The following CADPS variants were observed in gnomAD, a reference collection of about 807,000 sequenced individuals.
CADPS encodes calcium dependent secretion activator, also known as calcium-dependent secretion activator 1.
CADPS carries 57 observed loss-of-function variants against 167.3 expected under a neutral mutation model. The observed-to-expected ratio is 0.34, with a 90% confidence interval of 0.28 to 0.42. The LOEUF is 0.42. Ranked by LOEUF, CADPS falls within the 20% of genes least tolerant of loss-of-function variation. The pLI is 1.00. For synonymous variants in CADPS, 676 were observed against 635.3 expected (o/e 1.06, Z -0.96); for missense variants, 1,414 against 1,738.1 (o/e 0.81, Z 3.32).
chr3:62,496,783 G>A (rs1219322860), intron 18 of CADPS, among the ~76,000 whole-genome samples: 2 of 152,194 alleles, frequency 1.3e-5, no homozygotes, highest in African/African-American at 4.8e-5. Context: ...AGGACAGGCT[G>A]TCCTATGCCT....
intron 28 of CADPS, among the ~76,000 whole-genome samples, chr3:62,432,862 C>T (rs139761471): frequency 0.011 from 1,634 of 152,256 alleles, 24 homozygotes; most frequent in Middle Eastern, 0.041. Flanking sequence ...AGGGCACTCA[C>T]GTCTGCTTAT....
intron 17 of CADPS, 196 bp from the exon 18 acceptor site, chr3:62,499,464 A>G (rs922094112): frequency 4.8e-6 from 2 of 420,358 alleles, no homozygotes; most frequent in Non-Finnish European, 8.7e-6. Flanking sequence ...TATAATATAT[A>G]TTAGAAAAAA....
At chr3:62,649,543 CTTTTTTTTTTTTTTTTTT>C (rs369874258) in intron 5 of CADPS, among the ~76,000 whole-genome samples, 23 of 37,802 alleles carry the variant, frequency 6.1e-4, no homozygotes, top group African/African-American at 1.8e-3. Flanking sequence ...AATATGTGGT[CTTTTTTTTTTTTTTTTTT>C]TTTTTTTTTT....
chr3:62,813,383 A>G (rs1158070530), intron 1 of CADPS, among the ~76,000 whole-genome samples: 1 of 152,148 alleles, frequency 6.6e-6, no homozygotes, highest in East Asian at 1.9e-4. Context: ...CTTGTACAAT[A>G]AGTGGTGCTG....
At chr3:62,630,967 A>G (rs1196485379) in intron 6 of CADPS, among the ~76,000 whole-genome samples, 11 of 152,118 alleles carry the variant, frequency 7.2e-5, no homozygotes, top group Admixed American at 7.2e-4. Context: ...TTATTTCCCA[A>G]GTGCCTAAAT....
At chr3:62,563,884 T>C (rs1477212363) in intron 9 of CADPS, among the ~76,000 whole-genome samples, 1 of 152,250 alleles carries the variant, frequency 6.6e-6, no homozygotes, top group Admixed American at 6.5e-5. Flanking sequence ...TTCCTTTTTA[T>C]GGATGAGTAG....
intron 21 of CADPS, among the ~76,000 whole-genome samples, chr3:62,483,823 A>G (rs1385064631): frequency 6.6e-6 from 1 of 152,212 alleles, no homozygotes; most frequent in Non-Finnish European, 1.5e-5. Flanking sequence ...AGACATGTGT[A>G]AGCCTATATA....
intron 6 of CADPS, among the ~76,000 whole-genome samples, chr3:62,598,790 C>T (rs1032413595): frequency 6.6e-6 from 1 of 152,204 alleles, no homozygotes; most frequent in Admixed American, 6.5e-5. Flanking sequence ...CTTGCTCATT[C>T]CATCATTCAC....
At chr3:62,674,649 A>T (rs535075364) in intron 3 of CADPS, among the ~76,000 whole-genome samples, 2 of 152,286 alleles carry the variant, frequency 1.3e-5, no homozygotes, top group South Asian at 4.2e-4. Flanking sequence ...TCTCCAACAG[A>T]TGGGAGAAAA....
chr3:62,450,046 G>A (rs17637119), intron 26 of CADPS, among the ~76,000 whole-genome samples: 16,763 of 152,122 alleles, frequency 0.11, 1,227 homozygotes, highest in Admixed American at 0.17. Context: ...TTGGCTTACC[G>A]GTGTAGACAA....
rs567521158 is a variant in CADPS at position 62,766,440 on chromosome 3, G to GT, written c.442-457dup. Among the ~76,000 whole-genome samples, 976 of 151,406 alleles carry GT rather than the reference G, an allele frequency of 6.4e-3. 9 individuals carry two copies. The highest frequency in any genetic ancestry group is 7.1e-3 in the Non-Finnish European group (483 of 67,808). The stretch of plus-strand genomic sequence containing the variant: ...GGAAATTGGCAAATGCTACAAAACA[G>GT]TTTTTTTTTCCCCTCCTGAGAAATG... On this transcript the variant is annotated intron_variant, in intron 1 of 29. Coordinates refer to ENST00000383710, the MANE Select transcript of CADPS (RefSeq NM_003716.4).
chr3:62,671,367 G>C (rs1362579285), intron 3 of CADPS, among the ~76,000 whole-genome samples: 1 of 152,032 alleles, frequency 6.6e-6, no homozygotes, highest in African/African-American at 2.4e-5. Context: ...AAGACACAAG[G>C]AACTGAAGCC....
chr3:62,813,148 A>T (rs1408800588), intron 1 of CADPS, among the ~76,000 whole-genome samples: 1 of 152,122 alleles, frequency 6.6e-6, no homozygotes, highest in Non-Finnish European at 1.5e-5. Context: ...AAAGGGCCCA[A>T]ATAGCCAAAG....
At chr3:62,558,407 C>T (rs2078563522) in intron 9 of CADPS, among the ~76,000 whole-genome samples, 1 of 152,202 alleles carries the variant, frequency 6.6e-6, no homozygotes, top group Non-Finnish European at 1.5e-5. Flanking sequence ...GCAAGTAGCC[C>T]GTGGGAAAGC....
At chr3:62,786,838 G>A (rs1256933717) in intron 1 of CADPS, among the ~76,000 whole-genome samples, 1 of 152,278 alleles carries the variant, frequency 6.6e-6, no homozygotes, top group African/African-American at 2.4e-5. Context: ...ATCGACACTA[G>A]AAAAGACAGC....
intron 3 of CADPS, among the ~76,000 whole-genome samples, chr3:62,743,314 T>G (rs2080717367): frequency 6.6e-6 from 1 of 152,176 alleles, no homozygotes; most frequent in South Asian, 2.1e-4. Flanking sequence ...TAAATAAAGT[T>G]TAACAAGAAC....
At chr3:62,707,732 TAA>T (rs1199243352) in intron 3 of CADPS, among the ~76,000 whole-genome samples, 6 of 152,304 alleles carry the variant, frequency 3.9e-5, no homozygotes, top group African/African-American at 1.4e-4. Flanking sequence ...TAAAATTTCT[TAA>T]TTTTTCTACT....
intron 24 of CADPS, among the ~76,000 whole-genome samples, chr3:62,472,013 C>A (rs2060681076): frequency 6.6e-6 from 1 of 151,792 alleles, no homozygotes; most frequent in Non-Finnish European, 1.5e-5. Context: ...ATACAATGGT[C>A]AATAAATACA....
chr3:62,480,131 G>T (rs751954829), intron 22 of CADPS, among the ~76,000 whole-genome samples: 2 of 151,836 alleles, frequency 1.3e-5, no homozygotes, highest in African/African-American at 4.8e-5. Flanking sequence ...TTATTTTTAA[G>T]ATAAACTGTT....
Sources: gnomAD v4.1 joint callset for allele counts (sites outside exome capture counted in the v4.1 genomes callset) on GRCh38, gnomAD v4.1.1 for gene constraint, MANE v1.5 for transcripts, NCBI Gene and HGNC (gene_info 2026-07-23, HGNC 2026-07-21) for gene names.